SLC25A10: variants seen among roughly 807,000 people sequenced by gnomAD.
SLC25A10 encodes mitochondrial dicarboxylate carrier.
SLC25A10 carries 32 observed loss-of-function variants against 40.4 expected under a neutral mutation model. The ratio of observed to expected loss-of-function variants is 0.79; its 90% CI spans 0.60 to 1.06. SLC25A10 has a LOEUF of 1.06. Ranked by LOEUF, SLC25A10 falls within the 50% of genes least tolerant of loss-of-function variation. The pLI is 0.00. For missense variants in SLC25A10, 394 were observed against 402.6 expected (o/e 0.98, Z 0.18); for synonymous variants, 181 against 171.1 (o/e 1.06, Z -0.45).
rs2037398791 is a variant in SLC25A10 at position 81,712,401 on chromosome 17, G to C, written c.-26G>C. On this transcript the variant is annotated 5_prime_UTR_variant, in exon 1 of 11. Coordinates refer to ENST00000350690, the MANE Select transcript of SLC25A10 (RefSeq NM_012140.5). ...GTAGGGCCGGGGTCGGGTTGTGGTCGGGCCGGGATTGGGCTCTCCTGGGCC... is the reference window on the plus strand; with the variant it reads ...GTAGGGCCGGGGTCGGGTTGTGGTCCGGCCGGGATTGGGCTCTCCTGGGCC... 8.0e-7 allele frequency: 1 copy of C among 1,252,628 alleles called. No homozygotes were observed. The highest frequency in any genetic ancestry group is 1.0e-6 in the Non-Finnish European group (1 of 995,904). 77.6% of individuals were successfully genotyped at this position (1,252,628 alleles called of 1,614,324 possible). A position where few individuals can be genotyped will look rare whatever the true frequency, so the allele number is the denominator to read the frequency against.
chr17:81,716,916 G>A (rs1381857989), intron 6 of SLC25A10, 61 bp downstream of exon 6: 7 of 1,604,178 alleles, frequency 4.4e-6, no homozygotes, highest in African/African-American at 4.0e-5. Context: ...GGGCAGCGCT[G>A]TAGAAGACTG....
chr17:81,717,119 G>T (rs746182954), intron 7 of SLC25A10, 47 bp downstream of exon 7: 1 of 1,578,118 alleles, frequency 6.3e-7, no homozygotes, highest in South Asian at 1.1e-5. Flanking sequence ...TGTGACCACT[G>T]ACCTCCATCT....
At chr17:81,713,348 G>A in intron 1 of SLC25A10, 1 of 576,530 alleles carries the variant, frequency 1.7e-6, no homozygotes, top group Non-Finnish European at 2.2e-6. Context: ...AGTCTGCCCA[G>A]CAGGCCCTGC....
intron 1 of SLC25A10, among the ~76,000 whole-genome samples, chr17:81,712,801 TACCTGGTG>T (rs1375670095): frequency 6.6e-6 from 1 of 152,244 alleles, no homozygotes; most frequent in African/African-American, 2.4e-5. Context: ...TACACTTTAA[TACCTGGTG>T]ACCTTGGGGG....
rs992449849 is a variant in SLC25A10 at position 81,715,918 on chromosome 17, C to T, written c.378-91C>T. ...GCCCCGGCGTGCCCTGTCCTGTGGG[C>T]CCCGCTGACCAGCGTGAGCTCCCCT... On this transcript the variant is annotated intron_variant, in intron 4 of 10. Coordinates refer to ENST00000350690, the MANE Select transcript of SLC25A10 (RefSeq NM_012140.5). 4 of 1,459,804 alleles carry T rather than the reference C, an allele frequency of 2.7e-6. No homozygotes were observed. The African/African-American group carries it at 4.2e-5, about 15-fold the overall frequency. 90.4% of individuals were successfully genotyped at this position (1,459,804 alleles called of 1,614,324 possible).
rs140505434 is a variant in SLC25A10, at chr17:81,716,850, G to T, written c.458G>T (p.Arg153Leu). 1 of 1,611,078 alleles carries T rather than the reference G, an allele frequency of 6.2e-7. No homozygotes were observed. The highest frequency in any genetic ancestry group is 1.7e-5 in the Admixed American group (1 of 59,650). ...CTGGATGGCCTGTACCGCGTAGCTC[G>T]TGAAGGTGAGGGGCAGGTGCTGTGC... ...HALDGLYRVA[R>L]EEGLRRLFSG... The change falls in exon 6 of 11, where the codon CGT (arginine) becomes CTT (leucine). Residue 153 changes from arginine (R) to leucine (L), a missense_variant. Coordinates refer to ENST00000350690, the MANE Select transcript of SLC25A10 (RefSeq NM_012140.5).
Position 81,720,007 on chromosome 17 carries a change from C to T in SLC25A10, c.794C>T (p.Pro265Leu). 2.5e-6 allele frequency: 4 copies of T among 1,613,840 alleles called. No homozygotes were observed. Among genetic ancestry groups the T allele is most frequent in the Non-Finnish European group, 3.4e-6 (4 of 1,180,034 alleles). ...GTCCCAGCTGGCATCCGCCTCATCC[C>T]CCACACCGTGCTCACTTTTGTGTTT... ...GLVPAGIRLI[P>L]HTVLTFVFLE... Residue 265 changes from proline to leucine, a missense_variant, in exon 11 of 11, where the codon CCC becomes CTC. By Grantham distance (98) the Pro-to-Leu change is moderately conservative (BLOSUM62 -3). Transcript: ENST00000350690.
chr17:81,719,521 C>T (rs2037550074), intron 9 of SLC25A10, among the ~76,000 whole-genome samples: 1 of 152,222 alleles, frequency 6.6e-6, no homozygotes, highest in African/African-American at 2.4e-5. Context: ...TTCTCCCTGA[C>T]GCTGCCGTGC....
intron 7 of SLC25A10, 24 bp downstream of exon 7, chr17:81,717,096 T>G: frequency 6.2e-7 from 1 of 1,609,904 alleles, no homozygotes; most frequent in Non-Finnish European, 8.5e-7. Context: ...GTGGGGTGGG[T>G]GTGGGCAGTG....
At position 81,712,490 on chromosome 17, in the gene SLC25A10, TG is replaced by T; in HGVS notation, c.65del (p.Cys22SerfsTer19). 1 of 1,303,336 alleles carries T rather than the reference TG, an allele frequency of 7.7e-7. No homozygotes were observed. The highest frequency in any genetic ancestry group is 3.1e-5 in the East Asian group (1 of 32,128). The allele number at this position is 1,303,336 out of a possible 1,614,324, so 80.7% of individuals were successfully genotyped here. ...GGGGCTGGCCTCCTGCGGGGCCGCCTGCTGCACGCACCCGCTGGACCTGCTC... is the reference window on the plus strand; with the variant it reads ...GGGGCTGGCCTCCTGCGGGGCCGCCTCTGCACGCACCCGCTGGACCTGCTC... ...FGGLASCGAA[C>X]CTHPLDLLKV... On this transcript the variant is annotated frameshift_variant, in exon 1 of 11. Transcript: ENST00000350690. LOFTEE classifies it high-confidence loss of function.
intron 1 of SLC25A10, among the ~76,000 whole-genome samples, chr17:81,714,738 G>A (rs1319853243): frequency 2.0e-5 from 3 of 152,224 alleles, no homozygotes; most frequent in Non-Finnish European, 4.4e-5. Context: ...CGGGGCGCTC[G>A]CGGGGCTCGC....
intron 1 of SLC25A10, among the ~76,000 whole-genome samples, chr17:81,714,210 G>A (rs1217254559): frequency 6.6e-6 from 1 of 152,218 alleles, no homozygotes; most frequent in African/African-American, 2.4e-5. Context: ...TGCTGGGGGT[G>A]GGACCCAGGA....
intron 1 of SLC25A10, 135 bp downstream of exon 1, chr17:81,712,654 C>G (rs1031314727): frequency 1.7e-6 from 1 of 594,750 alleles, no homozygotes; most frequent in Non-Finnish European, 2.4e-6. Flanking sequence ...CGAGGAGGCC[C>G]CCGACGCCCG....
intron 1 of SLC25A10, among the ~76,000 whole-genome samples, chr17:81,714,732 G>T (rs767616284): frequency 1.6e-4 from 24 of 152,366 alleles, no homozygotes; most frequent in Middle Eastern, 3.4e-3. Context: ...GGTACGCGGG[G>T]CGCTCGCGGG....
chr17:81,717,969 C>A, intron 9 of SLC25A10, 108 bp downstream of exon 9: 1 of 782,298 alleles, frequency 1.3e-6, no homozygotes, highest in Non-Finnish European at 2.2e-6. Flanking sequence ...GTGTCCCTCC[C>A]TTCTAGTTGC....
rs1420964340 is a variant in SLC25A10, at chr17:81,720,529, G to A, written c.*452G>A. ...CACCCAAGTGCTAGCTCTGCACTTC[G>A]TGTCTGCTGAGAGCAACCAGACCTT... On this transcript the variant is annotated 3_prime_UTR_variant, in exon 11 of 11. Coordinates refer to ENST00000350690, the MANE Select transcript of SLC25A10 (RefSeq NM_012140.5). 24 of 1,292,870 alleles carry A rather than the reference G, an allele frequency of 1.9e-5. No homozygotes were observed. Among genetic ancestry groups the A allele is most frequent in the East Asian group, 1.1e-4 (4 of 34,798 alleles). The allele number at this position is 1,292,870 out of a possible 1,614,324, so 80.1% of individuals were successfully genotyped here. A position where few individuals can be genotyped will look rare whatever the true frequency, so the allele number is the denominator to read the frequency against.
chr17:81,718,508 G>T (rs2037529573), intron 9 of SLC25A10, among the ~76,000 whole-genome samples: 1 of 152,050 alleles, frequency 6.6e-6, no homozygotes, highest in Non-Finnish European at 1.5e-5. Context: ...AAACAAAATT[G>T]GTCAGGCTTG....
At position 81,712,326 on chromosome 17, in the gene SLC25A10, A is replaced by T. The variant is rs1598758971; in HGVS notation, c.-101A>T. The T allele has an allele frequency of 3.7e-5, 31 of 828,040 alleles. No homozygotes were observed. The East Asian group carries it at 1.3e-3, about 36-fold the overall frequency. The allele number at this position is 828,040 out of a possible 1,614,324, so 51.3% of individuals were successfully genotyped here. On this transcript the variant is annotated 5_prime_UTR_variant, in exon 1 of 11. Transcript: ENST00000350690. The stretch of plus-strand genomic sequence containing the variant: ...TGCGGGCGCGCGGGCGGCGCTTTGA[A>T]CCGGGCGCGGGGCGCGGGGCGCGGG...
In SLC25A10 at chr17:81,716,763, A is replaced by AG. The variant is rs1415910270; in HGVS notation, c.420-48dup. 4 of 1,572,934 alleles carry AG rather than the reference A, an allele frequency of 2.5e-6. No individual in the cohort carries two copies. The Admixed American group carries it at 7.4e-5, about 29-fold the overall frequency. On this transcript the variant is annotated intron_variant, in intron 5 of 10. Transcript: ENST00000350690. The stretch of plus-strand genomic sequence containing the variant: ...GGGGCCTGGGAGGACCCTCTGTGGG[A>AG]GCCGGTGGTCAGGGGGAGTCTCATG...
Sources: gnomAD v4.1 joint callset for allele counts (sites outside exome capture counted in the v4.1 genomes callset) on GRCh38, gnomAD v4.1.1 for gene constraint, MANE v1.5 for transcripts, NCBI Gene and HGNC (gene_info 2026-07-23, HGNC 2026-07-21) for gene names.